MCF2L2: variants seen among roughly 807,000 people sequenced by gnomAD.
MCF2L2 encodes the protein probable guanine nucleotide exchange factor MCF2L2.
In MCF2L2, 102 loss-of-function variants were observed where a neutral mutation model predicts 150.2. The observed-to-expected ratio is 0.68, with a 90% confidence interval of 0.58 to 0.80. The LOEUF is 0.80. Ranked by LOEUF, MCF2L2 falls within the 30% of genes least tolerant of loss-of-function variation. MCF2L2 has a pLI of 0.00. For synonymous variants in MCF2L2, 465 were observed against 491.3 expected, an observed-to-expected ratio of 0.95 and a Z score of 0.71; for missense variants, 1,256 against 1,372.8, an observed-to-expected ratio of 0.91 and a Z score of 1.34.
rs962348539 is a variant in MCF2L2, at chr3:183,267,671, G to C, written c.1862+9201C>G. 3.3e-5 allele frequency among the ~76,000 whole-genome samples: 5 copies of C among 152,260 alleles called. No homozygotes were observed. The highest frequency in any genetic ancestry group is 7.3e-5 in the Non-Finnish European group (5 of 68,050). Reference sequence around the variant, plus strand: ...ACTAATGTACCACCCCCGAGGAAGAGAGCCTACCTTTCCATCCAAGGAAGT... The same window carrying C: ...ACTAATGTACCACCCCCGAGGAAGACAGCCTACCTTTCCATCCAAGGAAGT... On this transcript the variant is annotated intron_variant, in intron 15 of 29. Transcript: ENST00000328913. The surrounding 1 kb of genome is among the most constrained non-coding windows in gnomAD (Gnocchi z 5.5).
chr3:183,186,903 G>A (rs754856766), intron 27 of MCF2L2, among the ~76,000 whole-genome samples: 9 of 152,182 alleles, frequency 5.9e-5, no homozygotes, highest in Non-Finnish European at 1.3e-4. Context: ...GATATTAATG[G>A]TGATTATATC....
chr3:183,303,847 G>A (rs952140099), intron 10 of MCF2L2, among the ~76,000 whole-genome samples: 3 of 152,090 alleles, frequency 2.0e-5, no homozygotes, highest in Admixed American at 2.0e-4. Flanking sequence ...TCAGGAGCAA[G>A]CTTAAACTCT....
chr3:183,241,136 G>A (rs1306733675), intron 15 of MCF2L2, among the ~76,000 whole-genome samples: 2 of 152,216 alleles, frequency 1.3e-5, no homozygotes, highest in African/African-American at 2.4e-5. Flanking sequence ...AATTAAACCA[G>A]GGGTTGGGGG....
intron 9 of MCF2L2, among the ~76,000 whole-genome samples, chr3:183,310,113 C>A (rs1322269656): frequency 6.6e-6 from 1 of 152,090 alleles, no homozygotes; most frequent in African/African-American, 2.4e-5. Flanking sequence ...ATAATCACAG[C>A]ACTTTGGGAG....
intron 13 of MCF2L2, among the ~76,000 whole-genome samples, chr3:183,293,710 G>A (rs1270783385): frequency 6.6e-6 from 1 of 152,096 alleles, no homozygotes; most frequent in African/African-American, 2.4e-5. Flanking sequence ...CATTGTAGTG[G>A]AGGTCCCAGT....
intron 10 of MCF2L2, among the ~76,000 whole-genome samples, chr3:183,301,419 A>AG (rs2108499117): frequency 6.6e-6 from 1 of 152,286 alleles, no homozygotes; most frequent in African/African-American, 2.4e-5. Context: ...GGAGTGCTGG[A>AG]GCTAGTATTT....
At chr3:183,408,163 T>C (rs1267029339) in intron 1 of MCF2L2, among the ~76,000 whole-genome samples, 1 of 152,090 alleles carries the variant, frequency 6.6e-6, no homozygotes, top group Non-Finnish European at 1.5e-5. Flanking sequence ...AAGAGCTGGA[T>C]TTCACAACTA....
intron 1 of MCF2L2, among the ~76,000 whole-genome samples, chr3:183,402,869 T>C (rs545162584): frequency 2.7e-5 from 4 of 150,746 alleles, no homozygotes; most frequent in Non-Finnish European, 5.9e-5. Context: ...AGACAAAAAA[T>C]ATATATATAT....
intron 21 of MCF2L2, 98 bp from the exon 22 acceptor site, chr3:183,216,192 A>G (rs1722903524): frequency 7.7e-7 from 1 of 1,300,084 alleles, no homozygotes; most frequent in African/African-American, 1.5e-5. Flanking sequence ...GATCCAGCCA[A>G]CCCTGACTGA....
In MCF2L2 at chr3:183,295,364, C is replaced by A. The variant is rs1232379585; in HGVS notation, c.1611G>T (p.Val537=). The change falls in exon 13 of 30, where the codon GTG becomes GTT. Residue 537 remains valine, a synonymous_variant. Transcript: ENST00000328913. ...AAKQTRPVQP[V]APHPESSPKW... is the part of the protein sequence containing the mutation. ...TTGGTGAAGACTCAGGATGTGGGGCCACAGGTTGCACTGGACGAGTCTGTT... is the reference window on the plus strand; with the variant it reads ...TTGGTGAAGACTCAGGATGTGGGGCAACAGGTTGCACTGGACGAGTCTGTT... 1.9e-6 allele frequency: 3 copies of A among 1,613,606 alleles called. No homozygotes were observed. The highest frequency in any genetic ancestry group is 2.5e-6 in the Non-Finnish European group (3 of 1,179,818).
intron 6 of MCF2L2, among the ~76,000 whole-genome samples, chr3:183,318,764 T>G (rs959131639): frequency 6.6e-6 from 1 of 152,102 alleles, no homozygotes. Flanking sequence ...GAAGTTATGT[T>G]TACAGTATAC....
At chr3:183,388,435 G>A (rs1713953799) in intron 2 of MCF2L2, among the ~76,000 whole-genome samples, 1 of 152,198 alleles carries the variant, frequency 6.6e-6, no homozygotes, top group East Asian at 1.9e-4. Flanking sequence ...GGGAAGCCAT[G>A]AGACTGTGCC....
chr3:183,218,181 A>G (rs1348357809), intron 21 of MCF2L2, among the ~76,000 whole-genome samples: 1 of 152,198 alleles, frequency 6.6e-6, no homozygotes, highest in Non-Finnish European at 1.5e-5. Context: ...TTTGGATGAG[A>G]GACATGAGTG....
intron 15 of MCF2L2, among the ~76,000 whole-genome samples, chr3:183,246,542 A>G (rs530229683): frequency 1.4e-4 from 21 of 152,306 alleles, no homozygotes; most frequent in African/African-American, 5.1e-4. Context: ...AAGGCTGAAT[A>G]TCTTCCATTT....
rs143332644 is a variant in MCF2L2, at chr3:183,310,593, A to T, written c.993+322T>A. 3.5e-3 allele frequency: 1,109 copies of T among 318,540 alleles called. 10 individuals carry two copies. The highest frequency in any genetic ancestry group is 0.023 in the African/African-American group (1,020 of 44,742). The allele number at this position is 318,540 out of a possible 1,614,324, so 19.7% of individuals were successfully genotyped here. A position where few individuals can be genotyped will look rare whatever the true frequency, so the allele number is the denominator to read the frequency against. ...TGGGAGGATAGCTTGAGCCCAGAAG[A>T]TCAAAGCTGCAGTGAGCCATGATCA... On this transcript the variant is annotated intron_variant, in intron 9 of 29. Transcript: ENST00000328913.
At chr3:183,292,910 AT>A (rs1258079298) in intron 13 of MCF2L2, among the ~76,000 whole-genome samples, 1 of 152,210 alleles carries the variant, frequency 6.6e-6, no homozygotes, top group Non-Finnish European at 1.5e-5. Context: ...ATATTAAAAA[AT>A]ATTTACTAAC....
At chr3:183,390,845 C>T (rs189064344) in intron 1 of MCF2L2, among the ~76,000 whole-genome samples, 4 of 152,280 alleles carry the variant, frequency 2.6e-5, no homozygotes, top group African/African-American at 9.6e-5. Context: ...TGTCGTTAGC[C>T]ATGACTGTGC....
chr3:183,380,910 AAAT>A (rs1373462238), intron 2 of MCF2L2, among the ~76,000 whole-genome samples: 2 of 152,176 alleles, frequency 1.3e-5, no homozygotes, highest in Admixed American at 6.5e-5. Context: ...ATGAGAGAAA[AAAT>A]AATATTTTAA....
chr3:183,348,868 A>C (rs995077799), intron 3 of MCF2L2, among the ~76,000 whole-genome samples: 1 of 152,246 alleles, frequency 6.6e-6, no homozygotes, highest in Non-Finnish European at 1.5e-5. Flanking sequence ...AAAGACACAA[A>C]GCAAAAATGG....
Sources: allele counts gnomAD v4.1 joint callset (sites outside exome capture counted in the v4.1 genomes callset), GRCh38; gene constraint gnomAD v4.1.1; non-coding constraint Gnocchi (gnomAD v3.1); transcripts MANE v1.5; gene names NCBI Gene and HGNC (gene_info 2026-07-23, HGNC 2026-07-21).